The following FHIT variants were observed in gnomAD, a reference collection of about 807,000 sequenced individuals.
FHIT encodes bis(5'-adenosyl)-triphosphatase.
A neutral mutation model predicts 17.9 loss-of-function variants in FHIT; 19 were observed. The observed-to-expected ratio is 1.06, with a 90% CI of 0.74 to 1.56. FHIT has a LOEUF of 1.56. FHIT is among the 40% of genes most tolerant of loss of function. The pLI, the probability that FHIT is intolerant of heterozygous loss-of-function variation, is 0.00. For missense variants in FHIT, 248 were observed against 189.2 expected, an observed-to-expected ratio of 1.31 and a Z score of -1.82; for synonymous variants, 81 against 69.7, an observed-to-expected ratio of 1.16 and a Z score of -0.81.
At chr3:59,761,475 G>C (rs2106784941) in intron 8 of FHIT, among the ~76,000 whole-genome samples, 1 of 152,212 alleles carries the variant, frequency 6.6e-6, no homozygotes, top group African/African-American at 2.4e-5. Flanking sequence ...TGATAAAGTT[G>C]AATGTATAAA....
At chr3:59,953,719 C>G (rs1707244838) in intron 7 of FHIT, among the ~76,000 whole-genome samples, 1 of 152,202 alleles carries the variant, frequency 6.6e-6, no homozygotes, top group Non-Finnish European at 1.5e-5. Context: ...CACACCAAAC[C>G]TTTCCAGCCT....
chr3:59,958,400 T>C (rs900183370), intron 7 of FHIT, among the ~76,000 whole-genome samples: 9 of 152,168 alleles, frequency 5.9e-5, no homozygotes, highest in African/African-American at 1.7e-4. Flanking sequence ...CAATGAGGTC[T>C]CACTCAAATG....
At chr3:60,188,886 G>A (rs758388436) in intron 5 of FHIT, among the ~76,000 whole-genome samples, 6 of 151,684 alleles carry the variant, frequency 4.0e-5, no homozygotes, top group African/African-American at 1.2e-4. Flanking sequence ...TTTTTTAGCC[G>A]CAGGGCACCC....
chr3:60,325,371 T>G (rs1486968899), intron 5 of FHIT, among the ~76,000 whole-genome samples: 2 of 152,184 alleles, frequency 1.3e-5, no homozygotes, highest in Non-Finnish European at 2.9e-5. Flanking sequence ...GTATGAGTAT[T>G]AGAGTTTGAA....
At chr3:60,229,424 G>GAAAAAAAA (rs796109235) in intron 5 of FHIT, among the ~76,000 whole-genome samples, 1 of 71,104 alleles carries the variant, frequency 1.4e-5, no homozygotes, top group African/African-American at 4.6e-5. Flanking sequence ...TCATCAAAAA[G>GAAAAAAAA]AAAAAAAAAA....
At chr3:60,882,314 T>C (rs533867816) in intron 3 of FHIT, among the ~76,000 whole-genome samples, 4 of 152,270 alleles carry the variant, frequency 2.6e-5, no homozygotes, top group South Asian at 4.1e-4. Flanking sequence ...GAAGAACTAA[T>C]GCCCATCCTT....
chr3:60,675,541 A>T (rs1175632304), intron 4 of FHIT, among the ~76,000 whole-genome samples: 1 of 152,228 alleles, frequency 6.6e-6, no homozygotes, highest in African/African-American at 2.4e-5. Flanking sequence ...AGATTACATG[A>T]AAATTGTAAT....
chr3:60,696,048 C>T (rs1553700570), intron 4 of FHIT, among the ~76,000 whole-genome samples: 1 of 151,970 alleles, frequency 6.6e-6, no homozygotes, highest in African/African-American at 2.4e-5. Flanking sequence ...AATTCTAGCT[C>T]TTTTACATAT....
chr3:59,793,130 A>C (rs946902339), intron 8 of FHIT, among the ~76,000 whole-genome samples: 10 of 152,120 alleles, frequency 6.6e-5, no homozygotes, highest in African/African-American at 2.2e-4. Flanking sequence ...TGAATGCATA[A>C]ATGAAAATTG....
chr3:60,544,289 A>C (rs1345454376), intron 4 of FHIT, among the ~76,000 whole-genome samples: 1 of 151,774 alleles, frequency 6.6e-6, no homozygotes, highest in Non-Finnish European at 1.5e-5. Flanking sequence ...TAGGTTTTTA[A>C]TATGAAGCCT....
intron 5 of FHIT, among the ~76,000 whole-genome samples, chr3:60,486,452 G>A (rs542715242): frequency 2.0e-5 from 3 of 152,006 alleles, no homozygotes; most frequent in Non-Finnish European, 4.4e-5. Context: ...ATTCCCCAAA[G>A]CTCCTAACAT....
At chr3:61,194,960 T>C (rs899865934) in intron 2 of FHIT, among the ~76,000 whole-genome samples, 2 of 137,108 alleles carry the variant, frequency 1.5e-5, no homozygotes, top group African/African-American at 5.4e-5. Context: ...GCTTCTCTCA[T>C]ACGTGATAAA....
chr3:60,719,464 A>T (rs1486329097), intron 4 of FHIT, among the ~76,000 whole-genome samples: 1 of 152,166 alleles, frequency 6.6e-6, no homozygotes, highest in Non-Finnish European at 1.5e-5. Context: ...CAGGAGCTGT[A>T]GAGTTTATGA....
intron 4 of FHIT, among the ~76,000 whole-genome samples, chr3:60,573,755 GAA>G (rs1187775842): frequency 2.6e-5 from 4 of 152,174 alleles, no homozygotes; most frequent in African/African-American, 9.6e-5. Flanking sequence ...CAGAGAAAAC[GAA>G]AGAGTCTGCT....
intron 5 of FHIT, among the ~76,000 whole-genome samples, chr3:60,485,950 G>A (rs967853791): frequency 6.6e-6 from 1 of 152,060 alleles, no homozygotes; most frequent in Non-Finnish European, 1.5e-5. Flanking sequence ...GTCTACTTTG[G>A]AGTCAAAGAT....
intron 3 of FHIT, among the ~76,000 whole-genome samples, chr3:60,872,702 C>T (rs1484716469): frequency 1.3e-5 from 2 of 152,026 alleles, no homozygotes; most frequent in African/African-American, 2.4e-5. Context: ...GAGACAAATC[C>T]TCAATCAGAA....
chr3:60,239,283 G>C (rs571858546), intron 5 of FHIT, among the ~76,000 whole-genome samples: 19 of 152,256 alleles, frequency 1.2e-4, no homozygotes, highest in African/African-American at 3.6e-4. Context: ...TTTTTGGCTG[G>C]GAGGAGAGGC....
intron 5 of FHIT, among the ~76,000 whole-genome samples, chr3:60,046,173 A>C (rs1701645708): frequency 6.6e-6 from 1 of 152,238 alleles, no homozygotes; most frequent in Non-Finnish European, 1.5e-5. Flanking sequence ...CCATTCAATA[A>C]AGCTGCTTTT....
At chr3:60,335,434 G>A (rs1319500742) in intron 5 of FHIT, among the ~76,000 whole-genome samples, 2 of 152,156 alleles carry the variant, frequency 1.3e-5, no homozygotes, top group Non-Finnish European at 2.9e-5. Flanking sequence ...ATAAACTGAA[G>A]ATCTCTGCTT....
Sources: gnomAD v4.1 joint callset for allele counts (sites outside exome capture counted in the v4.1 genomes callset) on GRCh38, gnomAD v4.1.1 for gene constraint, MANE v1.5 for transcripts, NCBI Gene and HGNC (gene_info 2026-07-23, HGNC 2026-07-21) for gene names.